ADARB2: variants seen among roughly 807,000 people sequenced by gnomAD.
ADARB2 encodes adenosine deaminase RNA specific B2 (inactive).
Under a neutral mutation model 62.2 loss-of-function variants are expected in ADARB2, and 25 were observed. That is an observed-to-expected ratio of 0.40 (90% CI 0.29 to 0.56). The LOEUF (loss-of-function observed/expected upper bound fraction) is 0.56. ADARB2 is among the 20% of genes least tolerant of loss of function. The pLI is 0.43. For synonymous variants in ADARB2, 572 were observed against 500.8 expected (o/e 1.14, Z -1.90); for missense variants, 1,071 against 1,077.4 (o/e 0.99, Z 0.08).
In ADARB2 at chr10:1,233,723, A is replaced by C. The variant is rs769594686; in HGVS notation, c.1484T>G (p.Leu495Arg). ...VSTSPCGDARLHSPYEITTDL... is the reference protein window; with the variant it reads ...VSTSPCGDARRHSPYEITTDL... ...TGTGGTGATCTCGTAGGGAGAGTGG[A>C]GTCTTGCGTCTCCACAGGGGGAGGT... Residue 495 changes from leucine to arginine, a missense_variant, in exon 6 of 10, where the codon CTC becomes CGC. By Grantham distance (102) the Leu-to-Arg change is moderately radical. Transcript: ENST00000381312. 1 of 1,613,440 alleles carries C rather than the reference A, an allele frequency of 6.2e-7. No homozygotes were observed. Among genetic ancestry groups the C allele is most frequent in the Non-Finnish European group, 8.5e-7 (1 of 1,179,806 alleles).
rs574038233 is a variant in ADARB2, at chr10:1,192,229, C to T, written c.1865-7190G>A. Reference sequence around the variant, plus strand: ...AGTATAATTTTTACATGCAGTGAGGCAAGTCTGTGTCACTGGGTAGCACTG... The same window carrying T: ...AGTATAATTTTTACATGCAGTGAGGTAAGTCTGTGTCACTGGGTAGCACTG... On this transcript the variant is annotated intron_variant, in intron 8 of 9. Transcript: ENST00000381312. Among the ~76,000 whole-genome samples, 12 of 152,330 alleles carry T rather than the reference C, an allele frequency of 7.9e-5. 1 individual carries two copies. The Middle Eastern group carries it at 0.014, about 173-fold the overall frequency.
intron 1 of ADARB2, among the ~76,000 whole-genome samples, chr10:1,688,207 G>A (rs879472954): frequency 6.6e-6 from 1 of 152,226 alleles, no homozygotes; most frequent in Admixed American, 6.5e-5. Flanking sequence ...AAGCCTGTGG[G>A]CTCTTCTGAC....
At chr10:1,370,213 C>T (rs1470662151) in intron 2 of ADARB2, among the ~76,000 whole-genome samples, 1 of 152,166 alleles carries the variant, frequency 6.6e-6, no homozygotes, top group Non-Finnish European at 1.5e-5. Flanking sequence ...ATAGGGTCAT[C>T]TCGACAGATG....
At chr10:1,703,247 G>T (rs1834846053) in intron 1 of ADARB2, among the ~76,000 whole-genome samples, 1 of 152,184 alleles carries the variant, frequency 6.6e-6, no homozygotes, top group African/African-American at 2.4e-5. Context: ...AAATAGCAAG[G>T]GGGTGGGGGC....
intron 1 of ADARB2, among the ~76,000 whole-genome samples, chr10:1,713,234 C>T (rs763928398): frequency 2.0e-5 from 3 of 152,128 alleles, no homozygotes; most frequent in Non-Finnish European, 4.4e-5. Context: ...CTGCAAAGTC[C>T]CATTCAGTTG....
At chr10:1,277,060 AG>A (rs1204238172) in intron 3 of ADARB2, among the ~76,000 whole-genome samples, 2 of 152,244 alleles carry the variant, frequency 1.3e-5, no homozygotes, top group Non-Finnish European at 2.9e-5. Context: ...GAAACCAAGG[AG>A]AACAAAGACA....
intron 1 of ADARB2, among the ~76,000 whole-genome samples, chr10:1,533,822 C>T (rs1222067462): frequency 1.3e-5 from 2 of 152,142 alleles, no homozygotes; most frequent in Admixed American, 6.5e-5. Context: ...ACCCACCCTC[C>T]CCCTCTGTCA....
intron 1 of ADARB2, among the ~76,000 whole-genome samples, chr10:1,641,002 A>T (rs1353315828): frequency 6.6e-6 from 1 of 152,256 alleles, no homozygotes; most frequent in Non-Finnish European, 1.5e-5. Context: ...TGAAAAGCTT[A>T]GATTCTAGCG....
intron 1 of ADARB2, among the ~76,000 whole-genome samples, chr10:1,460,490 C>T (rs1338170581): frequency 1.2e-5 from 1 of 83,654 alleles, no homozygotes; most frequent in Admixed American, 1.1e-4. Context: ...ACCTGCGTTA[C>T]GAACCTGCCT....
intron 3 of ADARB2, among the ~76,000 whole-genome samples, chr10:1,329,530 G>A (rs749353208): frequency 2.6e-5 from 4 of 152,306 alleles, no homozygotes; most frequent in South Asian, 2.1e-4. Flanking sequence ...TCTTTAGGCT[G>A]AGTGTCTTGG....
chr10:1,284,605 CAAAA>C (rs1214450254), intron 3 of ADARB2, among the ~76,000 whole-genome samples: 2 of 152,144 alleles, frequency 1.3e-5, no homozygotes, highest in Non-Finnish European at 2.9e-5. Context: ...ATAACTGTAG[CAAAA>C]GAGTTTTAGG....
chr10:1,264,154 G>T (rs1241163099), intron 4 of ADARB2, among the ~76,000 whole-genome samples: 1 of 152,002 alleles, frequency 6.6e-6, no homozygotes, highest in African/African-American at 2.4e-5. Context: ...TAATCATTAA[G>T]ATCAATTCCT....
rs1185491960 is a variant in ADARB2 at position 1,423,620 on chromosome 10, G to A, written c.101-44460C>T. On this transcript the variant is annotated intron_variant, in intron 1 of 9. Transcript: ENST00000381312. The stretch of plus-strand genomic sequence containing the variant: ...TGTATGCAGTAAGATCACTGTGTAT[G>A]CAGTAGGTCCACTATGTATGCAGTA... Among the ~76,000 whole-genome samples the A allele has an allele frequency of 2.0e-5, 3 of 152,174 alleles. No individual in the cohort carries two copies. In the East Asian group the frequency reaches 5.8e-4, roughly 29 times the overall value.
intron 1 of ADARB2, among the ~76,000 whole-genome samples, chr10:1,428,955 G>A (rs922758273): frequency 1.3e-5 from 2 of 152,048 alleles, no homozygotes; most frequent in Non-Finnish European, 2.9e-5. Context: ...GGGCACCAGT[G>A]TCTATATTCT....
chr10:1,444,738 A>G (rs1028220267), intron 1 of ADARB2, among the ~76,000 whole-genome samples: 1 of 145,270 alleles, frequency 6.9e-6, no homozygotes, highest in Admixed American at 6.8e-5. Flanking sequence ...CTATCTATCC[A>G]TCCATCCATC....
chr10:1,597,920 CT>C (rs1428844951), intron 1 of ADARB2, among the ~76,000 whole-genome samples: 2 of 152,226 alleles, frequency 1.3e-5, no homozygotes, highest in African/African-American at 4.8e-5. Context: ...TACATATACA[CT>C]GTGGAATACT....
rs368687955 is a variant in ADARB2, at chr10:1,213,286, TACAG to T, written c.1682+3661_1682+3664del. On this transcript the variant is annotated intron_variant, in intron 7 of 9. Coordinates refer to ENST00000381312, the MANE Select transcript of ADARB2 (RefSeq NM_018702.4). Reference sequence around the variant, plus strand: ...AGCTAGAGACAGACAGGGAGAGAGATACAGAGAGACAGAGGGAGAGACATAGAGA... The same window carrying T: ...AGCTAGAGACAGACAGGGAGAGAGATAGAGACAGAGGGAGAGACATAGAGA... 1.5e-4 allele frequency among the ~76,000 whole-genome samples: 23 copies of T among 148,954 alleles called. No homozygotes were observed. In the East Asian group the frequency reaches 3.4e-3, roughly 22 times the overall value.
intron 7 of ADARB2, among the ~76,000 whole-genome samples, chr10:1,202,638 C>T (rs937599831): frequency 1.3e-5 from 2 of 152,190 alleles, no homozygotes; most frequent in Admixed American, 1.3e-4. Context: ...AAACAAGGCC[C>T]AGGAAAGGAC....
intron 3 of ADARB2, among the ~76,000 whole-genome samples, chr10:1,293,208 G>GAGATAGGGAC (rs1831490070): frequency 9.5e-6 from 1 of 105,684 alleles, no homozygotes; most frequent in Non-Finnish European, 1.8e-5. Flanking sequence ...AAAAAAGAGG[G>GAGATAGGGAC]AGGGAGGGAG....
Sources: allele counts gnomAD v4.1 joint callset (sites outside exome capture counted in the v4.1 genomes callset), GRCh38; gene constraint gnomAD v4.1.1; transcripts MANE v1.5; gene names NCBI Gene and HGNC (gene_info 2026-07-23, HGNC 2026-07-21).